NPAS3: variants seen among roughly 807,000 people sequenced by gnomAD.
NPAS3 encodes neuronal PAS domain protein 3.
In NPAS3, 14 loss-of-function variants were observed where a neutral mutation model predicts 73.1. The observed-to-expected ratio is 0.19, with a 90% CI of 0.13 to 0.30. The LOEUF is 0.30. Among genes scored for constraint, NPAS3 ranks in the 10% least tolerant of loss-of-function variants. NPAS3 has a pLI of 1.00. For synonymous variants in NPAS3, 620 were observed against 541.5 expected, an observed-to-expected ratio of 1.14 and a Z score of -2.01; for missense variants, 1,096 against 1,250.0, an observed-to-expected ratio of 0.88 and a Z score of 1.86.
intron 3 of NPAS3, among the ~76,000 whole-genome samples, chr14:33,360,031 A>G (rs1428497085): frequency 6.6e-6 from 1 of 152,228 alleles, no homozygotes; most frequent in Non-Finnish European, 1.5e-5. Context: ...TGGAGCCTGG[A>G]CAGGGATCTG....
At chr14:33,153,275 A>G (rs1332554700) in intron 2 of NPAS3, among the ~76,000 whole-genome samples, 1 of 151,700 alleles carries the variant, frequency 6.6e-6, no homozygotes, top group Non-Finnish European at 1.5e-5. Flanking sequence ...CTGTCTTGTA[A>G]TCTTTGATTG....
intron 6 of NPAS3, among the ~76,000 whole-genome samples, chr14:33,714,003 G>C (rs536757374): frequency 1.3e-5 from 2 of 152,106 alleles, no homozygotes; most frequent in Non-Finnish European, 2.9e-5. Context: ...TATCCAAAAG[G>C]GTCACGACAT....
chr14:33,456,897 T>G (rs1420211613), intron 4 of NPAS3, among the ~76,000 whole-genome samples: 1 of 152,132 alleles, frequency 6.6e-6, no homozygotes, highest in Non-Finnish European at 1.5e-5. Context: ...TCAGCTTCCT[T>G]CGTAAAAGGC....
intron 2 of NPAS3, among the ~76,000 whole-genome samples, chr14:33,123,759 C>G (rs2043320154): frequency 6.6e-6 from 1 of 151,640 alleles, no homozygotes; most frequent in African/African-American, 2.4e-5. Context: ...GTATATTCAG[C>G]TGTTGAGTTT....
chr14:33,028,776 T>A (rs914156147), intron 1 of NPAS3, among the ~76,000 whole-genome samples: 3 of 152,138 alleles, frequency 2.0e-5, no homozygotes, highest in Admixed American at 6.5e-5. Context: ...GGGAGACTTT[T>A]TTTGAGGTGA....
At chr14:33,325,394 T>A (rs969625205) in intron 3 of NPAS3, among the ~76,000 whole-genome samples, 2 of 152,098 alleles carry the variant, frequency 1.3e-5, no homozygotes, top group Non-Finnish European at 2.9e-5. Flanking sequence ...GTAATCCCAA[T>A]CAATACTTTG....
At chr14:33,662,191 T>C (rs1157275167) in intron 5 of NPAS3, among the ~76,000 whole-genome samples, 1 of 152,208 alleles carries the variant, frequency 6.6e-6, no homozygotes, top group East Asian at 1.9e-4. Flanking sequence ...GGCATGGAAA[T>C]GCGCAGCTAG....
chr14:32,968,091 G>C (rs2037260042), intron 1 of NPAS3, among the ~76,000 whole-genome samples: 1 of 152,120 alleles, frequency 6.6e-6, no homozygotes, highest in African/African-American at 2.4e-5. Context: ...AGACTAGAGG[G>C]GCAGGGGATG....
At chr14:32,990,086 C>G (rs1050527800) in intron 1 of NPAS3, among the ~76,000 whole-genome samples, 9 of 152,122 alleles carry the variant, frequency 5.9e-5, no homozygotes, top group African/African-American at 2.2e-4. Context: ...TTCCCTGAAA[C>G]AGGGAATGTA....
intron 3 of NPAS3, among the ~76,000 whole-genome samples, chr14:33,352,842 TG>T (rs2045135145): frequency 6.6e-6 from 1 of 152,172 alleles, no homozygotes; most frequent in East Asian, 1.9e-4. Context: ...ATCTCAATTT[TG>T]GGTAAAAATT....
At chr14:33,674,187 A>G (rs992175417) in intron 5 of NPAS3, among the ~76,000 whole-genome samples, 4 of 152,186 alleles carry the variant, frequency 2.6e-5, no homozygotes, top group Non-Finnish European at 5.9e-5. Flanking sequence ...TCTGCTCTCT[A>G]TAAGACTGGC....
intron 4 of NPAS3, among the ~76,000 whole-genome samples, chr14:33,546,408 T>C (rs867646698): frequency 6.6e-6 from 1 of 152,200 alleles, no homozygotes; most frequent in African/African-American, 2.4e-5. Context: ...CGTTCAAACT[T>C]CCTAATATAC....
intron 6 of NPAS3, among the ~76,000 whole-genome samples, chr14:33,681,629 A>G (rs1429862573): frequency 6.6e-6 from 1 of 152,154 alleles, no homozygotes; most frequent in African/African-American, 2.4e-5. Context: ...TAGAGTAGCA[A>G]CTTTCTGGAA....
intron 1 of NPAS3, among the ~76,000 whole-genome samples, chr14:33,028,821 T>C (rs1304234446): frequency 6.6e-6 from 1 of 152,096 alleles, no homozygotes; most frequent in Non-Finnish European, 1.5e-5. Context: ...ATGTATATAT[T>C]TTTTAGATTT....
At chr14:33,027,037 C>T (rs2039829978) in intron 1 of NPAS3, among the ~76,000 whole-genome samples, 1 of 152,144 alleles carries the variant, frequency 6.6e-6, no homozygotes, top group Non-Finnish European at 1.5e-5. Context: ...CATGCCCTTC[C>T]TTCCTGCCTG....
chr14:33,611,165 A>G (rs1053351149), intron 5 of NPAS3: 4 of 152,214 alleles, frequency 2.6e-5, no homozygotes, highest in Admixed American at 2.0e-4. Flanking sequence ...CCCTAAGAAT[A>G]CAGAGCTATG....
chr14:33,436,518 C>G (rs1017126887), intron 4 of NPAS3, among the ~76,000 whole-genome samples: 22 of 152,258 alleles, frequency 1.4e-4, no homozygotes, highest in Admixed American at 1.3e-3. Context: ...GAAAAGTCTC[C>G]CCAAATCTGT....
At chr14:33,663,502 A>C (rs1003217915) in intron 5 of NPAS3, among the ~76,000 whole-genome samples, 10 of 152,002 alleles carry the variant, frequency 6.6e-5, no homozygotes, top group African/African-American at 2.4e-4. Flanking sequence ...ATCGATGTTC[A>C]TCAGGGATAT....
intron 5 of NPAS3, among the ~76,000 whole-genome samples, chr14:33,605,204 T>C (rs913416206): frequency 6.6e-6 from 1 of 151,918 alleles, no homozygotes; most frequent in Admixed American, 6.6e-5. Context: ...CTTCCTCAAG[T>C]TGATAAAGGA....
Sources: allele counts gnomAD v4.1 joint callset (sites outside exome capture counted in the v4.1 genomes callset), GRCh38; gene constraint gnomAD v4.1.1; transcripts MANE v1.5; gene names NCBI Gene and HGNC (gene_info 2026-07-23, HGNC 2026-07-21).